Variants in KIAA1217 observed in about 807,000 individuals in gnomAD.
The protein encoded by KIAA1217 is sickle tail protein homolog.
A neutral mutation model predicts 163.9 loss-of-function variants in KIAA1217; 88 were observed. That is an observed-to-expected ratio of 0.54 (90% confidence interval 0.45 to 0.64). The LOEUF is 0.64. KIAA1217 is among the 30% of genes least tolerant of loss of function. The pLI is 0.00. For missense variants in KIAA1217, 2,372 were observed against 2,475.0 expected, an observed-to-expected ratio of 0.96 and a Z score of 0.88; for synonymous variants, 903 against 923.1, an observed-to-expected ratio of 0.98 and a Z score of 0.39.
chr10:24,300,878 TCTTGGCTCACTGCAAC>T (rs749914814), intron 2 of KIAA1217, among the ~76,000 whole-genome samples: 3 of 152,178 alleles, frequency 2.0e-5, no homozygotes, highest in Non-Finnish European at 4.4e-5. Context: ...AGTGGTGTTA[TCTTGGCTCACTGCAAC>T]CTCTGCCTTC....
intron 3 of KIAA1217, among the ~76,000 whole-genome samples, chr10:24,425,753 TA>T (rs1467778064): frequency 6.6e-6 from 1 of 152,196 alleles, no homozygotes; most frequent in African/African-American, 2.4e-5. Context: ...AAAGTTGAAT[TA>T]GTGCTTCAAA....
At chr10:24,284,144 G>A (rs1204818851) in intron 2 of KIAA1217, among the ~76,000 whole-genome samples, 2 of 152,098 alleles carry the variant, frequency 1.3e-5, no homozygotes, top group Non-Finnish European at 2.9e-5. Context: ...TCCTGACTTC[G>A]AGATCCACCC....
At chr10:23,698,081 G>A (rs1430890147) in intron 1 of KIAA1217, among the ~76,000 whole-genome samples, 2 of 152,162 alleles carry the variant, frequency 1.3e-5, no homozygotes, top group Non-Finnish European at 2.9e-5. Context: ...CTTACAAAAT[G>A]AGATTATTGT....
At chr10:24,038,747 CTTTT>C (rs3072773) in intron 2 of KIAA1217, among the ~76,000 whole-genome samples, 14 of 76,282 alleles carry the variant, frequency 1.8e-4, no homozygotes, top group South Asian at 5.5e-4. Flanking sequence ...CTGAGAATTG[CTTTT>C]TTTTTTTTTT....
chr10:23,917,640 A>G (rs1390339200), intron 1 of KIAA1217, among the ~76,000 whole-genome samples: 1 of 152,218 alleles, frequency 6.6e-6, no homozygotes, highest in Non-Finnish European at 1.5e-5. Context: ...GCTGCAGGCA[A>G]TATGAAAGGT....
intron 3 of KIAA1217, among the ~76,000 whole-genome samples, chr10:24,418,942 C>T (rs529053234): frequency 1.6e-4 from 25 of 151,838 alleles, no homozygotes; most frequent in African/African-American, 6.0e-4. Flanking sequence ...TTTGGGAGGC[C>T]GAGGCAGGCG....
At position 24,327,624 on chromosome 10, in the gene KIAA1217, G is replaced by T. The variant is rs528634053; in HGVS notation, c.355-53245G>T. On this transcript the variant is annotated intron_variant, in intron 2 of 20. Coordinates refer to ENST00000376454, the MANE Select transcript of KIAA1217 (RefSeq NM_019590.5). ...TCCCACCTCAGCCTCCCAAGTAGGT[G>T]CACGCCACCATGCCTGGCTAATTTT... is the stretch of plus-strand genomic sequence containing the variant. 1.9e-4 allele frequency among the ~76,000 whole-genome samples: 29 copies of T among 151,990 alleles called. 1 individual carries two copies. The highest frequency in any genetic ancestry group is 3.2e-3 in the Middle Eastern group (1 of 316).
At chr10:24,370,051 G>A (rs1474523800) in intron 2 of KIAA1217, among the ~76,000 whole-genome samples, 2 of 152,128 alleles carry the variant, frequency 1.3e-5, no homozygotes, top group African/African-American at 4.8e-5. Context: ...AGATCACGAG[G>A]TCAGGAGATC....
At chr10:23,832,719 A>G (rs1838269530) in intron 1 of KIAA1217, among the ~76,000 whole-genome samples, 1 of 152,152 alleles carries the variant, frequency 6.6e-6, no homozygotes, top group Admixed American at 6.6e-5. Context: ...TCATTTTATC[A>G]CAATATCACA....
chr10:24,209,224 C>T lies in KIAA1217; in HGVS notation c.31C>T (p.Pro11Ser), dbSNP rs1055565139. Residue 11 changes from proline (P) to serine (S), a missense_variant, in exon 1 of 21, where the codon CCG becomes TCG. Coordinates refer to ENST00000376454, the MANE Select transcript of KIAA1217 (RefSeq NM_019590.5). ...AGAAAATGAAAGCCAGAAATGTGAG[C>T]CGTGCCTTCCTTACTCAGCAGACAG... MEENESQKCEPCLPYSADRRQ... is the reference protein window; with the variant it reads MEENESQKCESCLPYSADRRQ... 2 of 1,613,884 alleles carry T rather than the reference C, an allele frequency of 1.2e-6. No homozygotes were observed. The highest frequency in any genetic ancestry group is 1.7e-6 in the Non-Finnish European group (2 of 1,179,916).
chr10:24,545,302 T>A (rs531194235), intron 20 of KIAA1217, 199 bp downstream of exon 20: 2 of 1,407,844 alleles, frequency 1.4e-6, no homozygotes, highest in South Asian at 3.4e-5. Context: ...CAATAAAACA[T>A]CTTTTACTTT....
intron 2 of KIAA1217, among the ~76,000 whole-genome samples, chr10:24,109,714 A>G (rs2062770600): frequency 6.6e-6 from 1 of 152,262 alleles, no homozygotes; most frequent in Admixed American, 6.5e-5. Context: ...AAAAAGAACG[A>G]GGAATAAGAA....
intron 1 of KIAA1217, among the ~76,000 whole-genome samples, chr10:23,868,301 T>A (rs1182310730): frequency 6.6e-6 from 1 of 152,108 alleles, no homozygotes; most frequent in Non-Finnish European, 1.5e-5. Flanking sequence ...AAGCCAGGCC[T>A]GGCATGAAGG....
At chr10:24,531,705 C>A in intron 14 of KIAA1217, 125 bp from the exon 15 acceptor site, 2 of 909,264 alleles carry the variant, frequency 2.2e-6, no homozygotes, top group Non-Finnish European at 3.2e-6. Flanking sequence ...TACACTTAAT[C>A]CTTGCTCTAT....
intron 2 of KIAA1217, among the ~76,000 whole-genome samples, chr10:24,246,513 G>A (rs7923307): frequency 0.77 from 117,556 of 152,170 alleles, 45,511 homozygotes; most frequent in Admixed American, 0.82. Context: ...ATTATGGTAC[G>A]TTCAGAGAAT....
intron 2 of KIAA1217, among the ~76,000 whole-genome samples, chr10:24,350,608 A>G (rs571657251): frequency 2.0e-5 from 3 of 152,334 alleles, no homozygotes; most frequent in East Asian, 3.9e-4. Flanking sequence ...AATCAAGAAG[A>G]TTCTACTTCT....
In KIAA1217 at chr10:23,703,601, A is replaced by T. The variant is rs575516669; in HGVS notation, c.-321+8367A>T. Among the ~76,000 whole-genome samples, 3 of 152,320 alleles carry T rather than the reference A, an allele frequency of 2.0e-5. 1 individual carries two copies. The South Asian group carries it at 6.2e-4, about 32-fold the overall frequency. ...TTACAACATGACATCAACTGACTTA[A>T]AAAGTCTTAAAAACTTAACAGTTGG... On this transcript the variant is annotated intron_variant, in intron 1 of 18. Transcript: ENST00000376462.
At chr10:23,911,763 G>A (rs1311384110) in intron 1 of KIAA1217, among the ~76,000 whole-genome samples, 1 of 152,082 alleles carries the variant, frequency 6.6e-6, no homozygotes, top group Non-Finnish European at 1.5e-5. Flanking sequence ...CATTAAGATG[G>A]CCGAGGACAT....
intron 2 of KIAA1217, among the ~76,000 whole-genome samples, chr10:24,301,674 A>G (rs1021887074): frequency 6.6e-6 from 1 of 152,192 alleles, no homozygotes; most frequent in African/African-American, 2.4e-5. Context: ...CTTGCAAAAA[A>G]TGTTTATTTA....
Sources: allele counts gnomAD v4.1 joint callset (sites outside exome capture counted in the v4.1 genomes callset), GRCh38; gene constraint gnomAD v4.1.1; transcripts MANE v1.5; gene names NCBI Gene and HGNC (gene_info 2026-07-23, HGNC 2026-07-21).